FUT9: variants seen among roughly 807,000 people sequenced by gnomAD.
FUT9 encodes the protein 4-galactosyl-N-acetylglucosaminide 3-alpha-L-fucosyltransferase 9.
FUT9 carries 15 observed loss-of-function variants against 29.7 expected under a neutral mutation model. That is an observed-to-expected ratio of 0.51 (90% CI 0.34 to 0.78). The LOEUF is 0.78. Among genes scored for constraint, FUT9 ranks in the 30% least tolerant of loss-of-function variants. The pLI is 0.01. For synonymous variants in FUT9, 169 were observed against 153.7 expected, an observed-to-expected ratio of 1.10 and a Z score of -0.74; for missense variants, 319 against 425.4, an observed-to-expected ratio of 0.75 and a Z score of 2.20.
intron 2 of FUT9, among the ~76,000 whole-genome samples, chr6:96,159,373 A>G (rs1057224237): frequency 7.2e-5 from 11 of 152,098 alleles, no homozygotes; most frequent in Non-Finnish European, 1.2e-4. Flanking sequence ...AGAACAAAAA[A>G]TTAAGAGCAT....
rs34666168 is a variant in FUT9 at position 96,149,340 on chromosome 6, CAA to C, written c.-9+35222_-9+35223del. On this transcript the variant is annotated intron_variant, in intron 2 of 2. Transcript: ENST00000302103. ...GACATGTAACCAAGTTTAAGGCAGA[CAA>C]AAAAAAAAGTCTCTATTAGAAACTA... Among the ~76,000 whole-genome samples, 9 of 147,874 alleles carry C rather than the reference CAA, an allele frequency of 6.1e-5. No homozygotes were observed. The East Asian group carries it at 1.2e-3, about 19-fold the overall frequency.
At chr6:96,114,462 T>C (rs1392672727) in intron 2 of FUT9, among the ~76,000 whole-genome samples, 1 of 151,830 alleles carries the variant, frequency 6.6e-6, no homozygotes, top group African/African-American at 2.4e-5. Flanking sequence ...AAATTAGACA[T>C]GGAAAATTTT....
intron 2 of FUT9, among the ~76,000 whole-genome samples, chr6:96,123,789 G>T (rs1325611639): frequency 1.3e-5 from 2 of 151,990 alleles, no homozygotes; most frequent in African/African-American, 4.8e-5. Context: ...TTATTCTCCA[G>T]CTATAGTTGA....
chr6:96,033,086 G>C (rs1342658704), intron 1 of FUT9, among the ~76,000 whole-genome samples: 3 of 151,468 alleles, frequency 2.0e-5, no homozygotes, highest in Admixed American at 6.6e-5. Context: ...TCTACAATGA[G>C]AGTTGAAATT....
At chr6:96,080,854 G>T (rs1474663094) in intron 1 of FUT9, among the ~76,000 whole-genome samples, 1 of 151,788 alleles carries the variant, frequency 6.6e-6, no homozygotes, top group Non-Finnish European at 1.5e-5. Context: ...CTCAAAAATG[G>T]CAAGTCCAGA....
At chr6:96,162,969 C>T (rs1169684303) in intron 2 of FUT9, among the ~76,000 whole-genome samples, 1 of 152,118 alleles carries the variant, frequency 6.6e-6, no homozygotes, top group African/African-American at 2.4e-5. Flanking sequence ...CAGTGGAGGC[C>T]TTTGTCATGG....
At chr6:96,024,141 A>C (rs555556752) in intron 1 of FUT9, among the ~76,000 whole-genome samples, 1 of 152,042 alleles carries the variant, frequency 6.6e-6, no homozygotes, top group Non-Finnish European at 1.5e-5. Context: ...TAGCTAAATC[A>C]GACAATCTTT....
intron 2 of FUT9, among the ~76,000 whole-genome samples, chr6:96,187,813 C>T (rs999689530): frequency 2.0e-5 from 3 of 152,070 alleles, no homozygotes; most frequent in African/African-American, 7.2e-5. Context: ...TATCTCTCCC[C>T]TTATTGTTTT....
At chr6:96,082,340 T>A (rs1249628045) in intron 1 of FUT9, among the ~76,000 whole-genome samples, 1 of 151,780 alleles carries the variant, frequency 6.6e-6, no homozygotes, top group Non-Finnish European at 1.5e-5. Flanking sequence ...AAATGACACA[T>A]GTAGAGATTT....
intron 2 of FUT9, among the ~76,000 whole-genome samples, chr6:96,122,394 G>T (rs937469192): frequency 9.2e-5 from 14 of 152,106 alleles, no homozygotes; most frequent in Admixed American, 5.2e-4. Flanking sequence ...TACACTTTAG[G>T]TTACTTTTCT....
At chr6:96,034,996 T>A (rs1394181638) in intron 1 of FUT9, among the ~76,000 whole-genome samples, 2 of 151,652 alleles carry the variant, frequency 1.3e-5, no homozygotes, top group Non-Finnish European at 3.0e-5. Flanking sequence ...TAAGAGAACA[T>A]AGGCAAATTA....
rs1773959068 is a variant in FUT9 at position 96,212,570 on chromosome 6, G to A, written c.*8335G>A. 5.2e-6 allele frequency: 2 copies of A among 388,306 alleles called. No individual in the cohort carries two copies. Among genetic ancestry groups the A allele is most frequent in the African/African-American group, 4.2e-5 (2 of 48,096 alleles). 24.1% of individuals were successfully genotyped at this position (388,306 alleles called of 1,614,324 possible). A position where few individuals can be genotyped will look rare whatever the true frequency, so the allele number is the denominator to read the frequency against. On this transcript the variant is annotated 3_prime_UTR_variant, in exon 3 of 3. Transcript: ENST00000302103. The stretch of plus-strand genomic sequence containing the variant: ...AACTTTCAGCTTAATCGGGGTTAAG[G>A]GAGTAATTGTGACAATATAAAATGG...
At chr6:96,072,553 C>T (rs1400599984) in intron 1 of FUT9, among the ~76,000 whole-genome samples, 1 of 152,042 alleles carries the variant, frequency 6.6e-6, no homozygotes, top group East Asian at 1.9e-4. Flanking sequence ...ATTACTAGTC[C>T]ATAATGATGT....
chr6:96,111,576 C>G (rs1370133869), intron 1 of FUT9, among the ~76,000 whole-genome samples: 1 of 131,408 alleles, frequency 7.6e-6, no homozygotes, highest in Non-Finnish European at 1.7e-5. Context: ...CACACACACA[C>G]ACACACACAA....
chr6:96,049,006 T>C (rs147575811), intron 1 of FUT9, among the ~76,000 whole-genome samples: 34 of 152,324 alleles, frequency 2.2e-4, no homozygotes, highest in African/African-American at 8.2e-4. Context: ...ATAAAAATGT[T>C]TTCTTCATAG....
In FUT9 at chr6:96,198,122, T is replaced by A. The variant is rs536754212; in HGVS notation, c.-8-5026T>A. Among the ~76,000 whole-genome samples the A allele has an allele frequency of 2.7e-4, 41 of 152,268 alleles. 1 individual carries two copies. The highest frequency in any genetic ancestry group is 1.7e-3 in the East Asian group (9 of 5,178). ...AGTGTTCTTTTTTTTTCCTTTTTTT[T>A]TATTATTATTGTACTTTAAGTTTTA... On this transcript the variant is annotated intron_variant, in intron 2 of 2. Coordinates refer to ENST00000302103, the MANE Select transcript of FUT9 (RefSeq NM_006581.4).
At chr6:96,141,951 C>A (rs1429656185) in intron 2 of FUT9, among the ~76,000 whole-genome samples, 1 of 152,202 alleles carries the variant, frequency 6.6e-6, no homozygotes, top group African/African-American at 2.4e-5. Context: ...CTCCATTTTA[C>A]ATCCCAGCCT....
intron 2 of FUT9, among the ~76,000 whole-genome samples, chr6:96,169,649 T>C (rs558036475): frequency 6.6e-6 from 1 of 152,168 alleles, no homozygotes; most frequent in Non-Finnish European, 1.5e-5. Context: ...TCTTTAGGTT[T>C]TTTAAAATCA....
At chr6:96,065,094 C>T (rs913146197) in intron 1 of FUT9, among the ~76,000 whole-genome samples, 6 of 152,104 alleles carry the variant, frequency 3.9e-5, no homozygotes, top group Admixed American at 6.5e-5. Flanking sequence ...GTAGAAAGAA[C>T]ACTAGATTAG....
Sources: gnomAD v4.1 joint callset for allele counts (sites outside exome capture counted in the v4.1 genomes callset) on GRCh38, gnomAD v4.1.1 for gene constraint, MANE v1.5 for transcripts, NCBI Gene and HGNC (gene_info 2026-07-23, HGNC 2026-07-21) for gene names.